The following FOXP2 variants were observed in gnomAD, a reference collection of about 807,000 sequenced individuals.
FOXP2 encodes forkhead box P2.
A neutral mutation model predicts 115.8 loss-of-function variants in FOXP2; 12 were observed. That is an observed-to-expected ratio of 0.10 (90% CI 0.07 to 0.17). The LOEUF is 0.17. Ranked by LOEUF, FOXP2 falls within the 10% of genes least tolerant of loss-of-function variation. The pLI is 1.00. For synonymous variants in FOXP2, 328 were observed against 297.7 expected, an observed-to-expected ratio of 1.10 and a Z score of -1.05; for missense variants, 629 against 843.5, an observed-to-expected ratio of 0.75 and a Z score of 3.15.
intron 1 of FOXP2, among the ~76,000 whole-genome samples, chr7:114,280,124 A>G (rs1463593677): frequency 6.6e-6 from 1 of 150,748 alleles, no homozygotes; most frequent in Non-Finnish European, 1.5e-5. Flanking sequence ...AAATAAATAA[A>G]AACAGGTGGT....
At chr7:114,319,475 C>T (rs1330516719) in intron 2 of FOXP2, among the ~76,000 whole-genome samples, 1 of 152,206 alleles carries the variant, frequency 6.6e-6, no homozygotes, top group African/African-American at 2.4e-5. Context: ...TTCCACATGG[C>T]TGGGGTGGCC....
At chr7:114,644,985 T>C in intron 8 of FOXP2, 196 bp downstream of exon 8, 2 of 508,524 alleles carry the variant, frequency 3.9e-6, no homozygotes, top group Non-Finnish European at 7.0e-6. Context: ...TTACAAATCA[T>C]TTAGTAAAGA....
chr7:114,664,186 T>G, intron 15 of FOXP2, 87 bp from the exon 16 acceptor site: 1 of 1,395,942 alleles, frequency 7.2e-7, no homozygotes, highest in South Asian at 1.2e-5. Flanking sequence ...ATTTCCTTAT[T>G]GGAACCCATT....
intron 2 of FOXP2, among the ~76,000 whole-genome samples, chr7:114,507,479 A>G (rs1797877104): frequency 6.6e-6 from 1 of 151,978 alleles, no homozygotes; most frequent in African/African-American, 2.4e-5. Context: ...ATCTGTAAAT[A>G]TATTCCTTAT....
intron 3 of FOXP2, among the ~76,000 whole-genome samples, chr7:114,539,708 A>G (rs1433916667): frequency 6.6e-6 from 1 of 152,080 alleles, no homozygotes; most frequent in Non-Finnish European, 1.5e-5. Flanking sequence ...AATTTTTGTT[A>G]AACTATGATG....
At chr7:114,287,498 A>C (rs1796495347) in intron 1 of FOXP2, among the ~76,000 whole-genome samples, 1 of 151,976 alleles carries the variant, frequency 6.6e-6, no homozygotes, top group African/African-American at 2.4e-5. Flanking sequence ...TCGGAAATGG[A>C]TCTGGGAAAT....
At chr7:114,160,178 G>A (rs766551368), upstream of FOXP2, among the ~76,000 whole-genome samples, 1 of 152,136 alleles carries the variant, frequency 6.6e-6, no homozygotes, top group Non-Finnish European at 1.5e-5. Flanking sequence ...TAGCTTTGAG[G>A]AAAGGGGGCT....
intron 1 of FOXP2, among the ~76,000 whole-genome samples, chr7:114,416,629 T>G (rs1312041550): frequency 6.6e-6 from 1 of 152,048 alleles, no homozygotes; most frequent in African/African-American, 2.4e-5. Flanking sequence ...GATTGTTCCT[T>G]ATCTTTGAAC....
chr7:114,118,622 C>A (rs1417907164), intron 1 of FOXP2, among the ~76,000 whole-genome samples: 2 of 152,012 alleles, frequency 1.3e-5, no homozygotes, highest in Non-Finnish European at 2.9e-5. Flanking sequence ...TAATTGGCTA[C>A]AGGCTTCATT....
At chr7:114,106,054 A>ATATT (rs1383671344) in intron 1 of FOXP2, among the ~76,000 whole-genome samples, 1 of 152,078 alleles carries the variant, frequency 6.6e-6, no homozygotes, top group African/African-American at 2.4e-5. Context: ...CTCAGCAGGA[A>ATATT]TATTTGTTAA....
intron 3 of FOXP2, among the ~76,000 whole-genome samples, chr7:114,538,919 C>T (rs1799521895): frequency 6.6e-6 from 1 of 151,738 alleles, no homozygotes; most frequent in Admixed American, 6.6e-5. Flanking sequence ...TTCTGTATAT[C>T]TGAGGAAGCT....
chr7:114,559,718 T>TA (rs1288340140), intron 3 of FOXP2, among the ~76,000 whole-genome samples: 10 of 151,724 alleles, frequency 6.6e-5, no homozygotes, highest in East Asian at 3.9e-4. Context: ...CCGTCTCTAC[T>TA]AAAAAAAACA....
At chr7:114,235,492 T>TA (rs1794987326) in intron 1 of FOXP2, among the ~76,000 whole-genome samples, 1 of 152,158 alleles carries the variant, frequency 6.6e-6, no homozygotes, top group South Asian at 2.1e-4. Context: ...GTTAGAATAC[T>TA]AAAAAAATTT....
chr7:114,118,301 G>A (rs908415622), intron 1 of FOXP2, among the ~76,000 whole-genome samples: 4 of 152,044 alleles, frequency 2.6e-5, no homozygotes, highest in Admixed American at 2.0e-4. Context: ...TATTCTGTGT[G>A]AAATTTGTCT....
intron 2 of FOXP2, among the ~76,000 whole-genome samples, chr7:114,317,188 G>A (rs1797297235): frequency 6.6e-6 from 1 of 152,144 alleles, no homozygotes; most frequent in Non-Finnish European, 1.5e-5. Flanking sequence ...TACCTAGTGA[G>A]ATTTCTGTGA....
At chr7:114,255,930 G>T (rs1453067406) in intron 1 of FOXP2, among the ~76,000 whole-genome samples, 3 of 152,208 alleles carry the variant, frequency 2.0e-5, no homozygotes, top group Non-Finnish European at 2.9e-5. Flanking sequence ...GGCCATCGTG[G>T]AACCGCCCCG....
At chr7:114,337,509 T>C (rs915802422) in intron 2 of FOXP2, among the ~76,000 whole-genome samples, 2 of 151,218 alleles carry the variant, frequency 1.3e-5, no homozygotes, top group Middle Eastern at 3.2e-3. Context: ...ATATGTATTA[T>C]AACTAAATTT....
chr7:114,604,364 G>T (rs1216607591), intron 3 of FOXP2, among the ~76,000 whole-genome samples: 1 of 152,138 alleles, frequency 6.6e-6, no homozygotes, highest in Non-Finnish European at 1.5e-5. Flanking sequence ...ACAAATTTTT[G>T]TGTGGATGTA....
intron 2 of FOXP2, among the ~76,000 whole-genome samples, chr7:114,510,152 T>C (rs539785590): frequency 1.3e-5 from 2 of 152,292 alleles, no homozygotes; most frequent in African/African-American, 4.8e-5. Flanking sequence ...CTATATCCTA[T>C]TTTGAACTTT....
Sources: allele counts gnomAD v4.1 joint callset (sites outside exome capture counted in the v4.1 genomes callset), GRCh38; gene constraint gnomAD v4.1.1; transcripts MANE v1.5; gene names NCBI Gene and HGNC (gene_info 2026-07-23, HGNC 2026-07-21).